AGPS: variants seen among roughly 807,000 people sequenced by gnomAD.
The protein encoded by AGPS is alkylglycerone phosphate synthase.
A neutral mutation model predicts 90.7 loss-of-function variants in AGPS; 26 were observed. That is an observed-to-expected ratio of 0.29 (90% confidence interval 0.21 to 0.40). The LOEUF is 0.40. Among genes scored for constraint, AGPS ranks in the 10% least tolerant of loss-of-function variants. The pLI is 1.00. For missense variants in AGPS, 540 were observed against 816.1 expected, an observed-to-expected ratio of 0.66 and a Z score of 4.12; for synonymous variants, 294 against 285.3, an observed-to-expected ratio of 1.03 and a Z score of -0.31.
At chr2:177,507,460 A>T (rs1688747481) in intron 15 of AGPS, among the ~76,000 whole-genome samples, 3 of 152,160 alleles carry the variant, frequency 2.0e-5, no homozygotes, top group African/African-American at 7.2e-5. Flanking sequence ...GTCACTTCAG[A>T]TAGCTGCACT....
intron 16 of AGPS, 144 bp downstream of exon 16, chr2:177,508,175 A>G (rs1683855430): frequency 1.5e-6 from 1 of 668,304 alleles, no homozygotes; most frequent in Non-Finnish European, 2.6e-6. Context: ...TTAAATTAAT[A>G]TATTCATCAG....
At chr2:177,432,855 C>T (rs1686284598) in intron 2 of AGPS, among the ~76,000 whole-genome samples, 1 of 152,142 alleles carries the variant, frequency 6.6e-6, no homozygotes, top group Non-Finnish European at 1.5e-5. Context: ...GGAAGGGGAG[C>T]TGGTATGTGC....
At chr2:177,537,333 C>A (rs562370873) in intron 19 of AGPS, among the ~76,000 whole-genome samples, 121 of 151,770 alleles carry the variant, frequency 8.0e-4, no homozygotes, top group African/African-American at 2.7e-3. Context: ...TCACTATTCT[C>A]AGAACAAATT....
At position 177,413,135 on chromosome 2, in the gene AGPS, G is replaced by T. The variant is rs143421838; in HGVS notation, c.261-7134G>T. On this transcript the variant is annotated intron_variant, in intron 1 of 19. Transcript: ENST00000264167. Reference sequence around the variant, plus strand: ...GTGAAAACGGAGCTCCCATACAATGGGAGGGAACCCAAAGGGGGTTGCCCA... The same window carrying T: ...GTGAAAACGGAGCTCCCATACAATGTGAGGGAACCCAAAGGGGGTTGCCCA... 4.0e-3 allele frequency among the ~76,000 whole-genome samples: 610 copies of T among 152,290 alleles called. 5 individuals carry two copies. Among genetic ancestry groups the T allele is most frequent in the East Asian group, 0.032 (167 of 5,170 alleles).
intron 16 of AGPS, among the ~76,000 whole-genome samples, chr2:177,512,022 ATTC>A (rs1184388106): frequency 6.6e-6 from 1 of 152,196 alleles, no homozygotes; most frequent in Non-Finnish European, 1.5e-5. Flanking sequence ...AGATGATTGT[ATTC>A]TTAGATTTTT....
rs575146908 is a variant in AGPS, at chr2:177,450,464, T to G, written c.870+4838T>G. 3.3e-5 allele frequency among the ~76,000 whole-genome samples: 5 copies of G among 152,332 alleles called. No homozygotes were observed. In the East Asian group the frequency reaches 9.6e-4, roughly 29 times the overall value. ...AGTTTTGAAGATTTCTGAGTTATTA[T>G]TTGTATATGGTATAAAATTGGATTG... On this transcript the variant is annotated intron_variant, in intron 8 of 19. Transcript: ENST00000264167.
chr2:177,491,149 C>CT (rs1688244491), intron 11 of AGPS, among the ~76,000 whole-genome samples: 1 of 130,354 alleles, frequency 7.7e-6, no homozygotes, highest in Non-Finnish European at 1.7e-5. Flanking sequence ...CCGCCATACC[C>CT]AGCCTAGGTT....
At chr2:177,441,099 T>G (rs1686588360) in intron 6 of AGPS, 63 bp downstream of exon 6, 1 of 1,331,174 alleles carries the variant, frequency 7.5e-7, no homozygotes, top group Middle Eastern at 2.2e-4. Context: ...ATTTGTATTT[T>G]AAATATTTGC....
At chr2:177,513,012 T>G (rs374282462) in intron 16 of AGPS, among the ~76,000 whole-genome samples, 1 of 151,962 alleles carries the variant, frequency 6.6e-6, no homozygotes, top group African/African-American at 2.4e-5. Context: ...CCCAACTAAT[T>G]TTTTTGATTT....
intron 6 of AGPS, among the ~76,000 whole-genome samples, chr2:177,441,720 C>T (rs1019258813): frequency 1.3e-5 from 2 of 152,108 alleles, no homozygotes; most frequent in African/African-American, 2.4e-5. Context: ...AGAATTTATT[C>T]GATATATGGT....
chr2:177,431,234 G>T (rs1686233486), intron 2 of AGPS, among the ~76,000 whole-genome samples: 1 of 152,272 alleles, frequency 6.6e-6, no homozygotes, highest in South Asian at 2.1e-4. Flanking sequence ...TTTTATTAGG[G>T]ATTTCAAAAG....
At chr2:177,396,052 C>G (rs1244068850) in intron 1 of AGPS, among the ~76,000 whole-genome samples, 1 of 110,458 alleles carries the variant, frequency 9.1e-6, no homozygotes, top group Non-Finnish European at 1.6e-5. Flanking sequence ...AAATGTAGCA[C>G]AAAGGAAAGA....
intron 1 of AGPS, among the ~76,000 whole-genome samples, chr2:177,396,261 A>G (rs1685170258): frequency 1.3e-5 from 2 of 152,212 alleles, no homozygotes; most frequent in African/African-American, 4.8e-5. Context: ...TGAGAATAAA[A>G]TGAAAGGAGG....
At chr2:177,497,270 G>A (rs1688438151) in intron 12 of AGPS, among the ~76,000 whole-genome samples, 1 of 151,462 alleles carries the variant, frequency 6.6e-6, no homozygotes, top group Non-Finnish European at 1.5e-5. Context: ...CTCCATATTT[G>A]GATAGTTCTG....
At chr2:177,535,340 C>G (rs1428000481) in intron 19 of AGPS, among the ~76,000 whole-genome samples, 1 of 152,098 alleles carries the variant, frequency 6.6e-6, no homozygotes, top group Admixed American at 6.6e-5. Context: ...AGTATAATTT[C>G]TTCCCTTTCT....
chr2:177,437,073 G>A lies in AGPS; in HGVS notation c.637+19G>A, dbSNP rs772951018. On this transcript the variant is annotated intron_variant, in intron 5 of 19. Coordinates refer to ENST00000264167, the MANE Select transcript of AGPS (RefSeq NM_003659.4). ...TGGCCAAGTAAGTTTTCCCCTCCTCGTATCATTAATTTAGTATTGCTAAAT... is the reference window on the plus strand; with the variant it reads ...TGGCCAAGTAAGTTTTCCCCTCCTCATATCATTAATTTAGTATTGCTAAAT... The A allele has an allele frequency of 2.3e-5, 37 of 1,607,608 alleles. No homozygotes were observed. The highest frequency in any genetic ancestry group is 6.6e-5 in the South Asian group (6 of 90,902).
chr2:177,538,276 A>G lies in AGPS; in HGVS notation c.*81A>G. ...GGTTATACTAGTAATCAAATATATCATGGACTATATTTTGGATACATTTGT... is the reference window on the plus strand; with the variant it reads ...GGTTATACTAGTAATCAAATATATCGTGGACTATATTTTGGATACATTTGT... On this transcript the variant is annotated 3_prime_UTR_variant, in exon 20 of 20. Transcript: ENST00000264167. The G allele has an allele frequency of 1.5e-6, 2 of 1,372,918 alleles. No individual in the cohort carries two copies. The highest frequency in any genetic ancestry group is 2.4e-5 in the South Asian group (2 of 82,674). 85.0% of individuals were successfully genotyped at this position (1,372,918 alleles called of 1,614,324 possible).
intron 1 of AGPS, among the ~76,000 whole-genome samples, chr2:177,409,563 C>G (rs1048935541): frequency 3.3e-5 from 5 of 152,096 alleles, no homozygotes; most frequent in African/African-American, 1.2e-4. Flanking sequence ...TCCAGCTAGT[C>G]TTGTCTCTCA....
At chr2:177,423,947 T>C (rs1026034276) in intron 2 of AGPS, among the ~76,000 whole-genome samples, 1 of 152,200 alleles carries the variant, frequency 6.6e-6, no homozygotes, top group African/African-American at 2.4e-5. Flanking sequence ...GATTTTTTTT[T>C]TCCTTCAGCT....
Sources: allele counts gnomAD v4.1 joint callset (sites outside exome capture counted in the v4.1 genomes callset), GRCh38; gene constraint gnomAD v4.1.1; transcripts MANE v1.5; gene names NCBI Gene and HGNC (gene_info 2026-07-23, HGNC 2026-07-21).